Variants in IMMP2L observed in about 807,000 individuals in gnomAD.
The protein encoded by IMMP2L is mitochondrial inner membrane protease subunit 2.
A neutral mutation model predicts 19.3 loss-of-function variants in IMMP2L; 18 were observed. The ratio of observed to expected loss-of-function variants is 0.93; its 90% CI spans 0.64 to 1.38. The LOEUF (loss-of-function observed/expected upper bound fraction) is 1.38, where lower values mean the gene tolerates loss of function less well. IMMP2L is among the 40% of genes most tolerant of loss of function. IMMP2L has a pLI of 0.00. For synonymous variants in IMMP2L, 76 were observed against 73.0 expected (o/e 1.04, Z -0.21); for missense variants, 233 against 218.2 (o/e 1.07, Z -0.43).
chr7:110,764,498 T>C (rs1798541158), intron 5 of IMMP2L, among the ~76,000 whole-genome samples: 1 of 152,096 alleles, frequency 6.6e-6, no homozygotes, highest in African/African-American at 2.4e-5. Context: ...ATTGTCTACA[T>C]CAGTATATCA....
At chr7:111,177,253 C>T (rs1807177810) in intron 3 of IMMP2L, among the ~76,000 whole-genome samples, 1 of 152,032 alleles carries the variant, frequency 6.6e-6, no homozygotes, top group Admixed American at 6.6e-5. Flanking sequence ...TATCGCAGTT[C>T]ACTGCAGGCT....
intron 3 of IMMP2L, among the ~76,000 whole-genome samples, chr7:111,341,871 C>T (rs1275262525): frequency 1.2e-4 from 18 of 152,072 alleles, no homozygotes; most frequent in Non-Finnish European, 2.4e-4. Flanking sequence ...GAGTTTGAGG[C>T]TGTGTGTTTG....
chr7:111,345,068 T>C (rs892062276), intron 3 of IMMP2L, among the ~76,000 whole-genome samples: 4 of 151,996 alleles, frequency 2.6e-5, no homozygotes, highest in African/African-American at 9.7e-5. Context: ...GTAACTCACA[T>C]ACAGTTTTCC....
chr7:111,227,917 C>A (rs114052487), intron 3 of IMMP2L, among the ~76,000 whole-genome samples: 1 of 151,902 alleles, frequency 6.6e-6, no homozygotes, highest in Non-Finnish European at 1.5e-5. Flanking sequence ...TTTCAAAAAC[C>A]ACTTCTACTA....
intron 3 of IMMP2L, among the ~76,000 whole-genome samples, chr7:111,308,804 T>G (rs1823176698): frequency 6.6e-6 from 1 of 152,098 alleles, no homozygotes; most frequent in Non-Finnish European, 1.5e-5. Context: ...CCTCCAGTTT[T>G]GCAAACTGCC....
chr7:111,059,612 T>C (rs1793830098), intron 3 of IMMP2L, among the ~76,000 whole-genome samples: 1 of 152,142 alleles, frequency 6.6e-6, no homozygotes, highest in African/African-American at 2.4e-5. Context: ...CTAAAACATA[T>C]AAGGCACTCA....
chr7:111,378,735 T>C (rs1176527496), intron 3 of IMMP2L, among the ~76,000 whole-genome samples: 2 of 151,924 alleles, frequency 1.3e-5, no homozygotes, highest in South Asian at 2.1e-4. Context: ...AACAAATCCA[T>C]TGTCTGAATC....
chr7:111,283,767 C>A (rs975233469), intron 3 of IMMP2L, among the ~76,000 whole-genome samples: 1 of 151,464 alleles, frequency 6.6e-6, no homozygotes, highest in East Asian at 1.9e-4. Context: ...GTCAGGAGAT[C>A]GAGACCATCC....
At chr7:111,385,688 A>G (rs760154489) in intron 3 of IMMP2L, among the ~76,000 whole-genome samples, 4 of 152,290 alleles carry the variant, frequency 2.6e-5, no homozygotes, top group South Asian at 2.1e-4. Flanking sequence ...CTTGGCTGTC[A>G]TAAGACAGAA....
At chr7:111,370,196 T>C (rs1392033605) in intron 3 of IMMP2L, among the ~76,000 whole-genome samples, 1 of 152,036 alleles carries the variant, frequency 6.6e-6, no homozygotes, top group Non-Finnish European at 1.5e-5. Flanking sequence ...CTAGTTCTGC[T>C]GCTCTTAAAC....
chr7:111,046,397 A>G (rs1048717875), intron 3 of IMMP2L, among the ~76,000 whole-genome samples: 4 of 152,114 alleles, frequency 2.6e-5, no homozygotes, highest in Non-Finnish European at 5.9e-5. Flanking sequence ...GGTGTCACAC[A>G]AAAGAGAGAA....
intron 2 of IMMP2L, among the ~76,000 whole-genome samples, chr7:111,505,601 A>G (rs1844805759): frequency 6.6e-6 from 1 of 152,204 alleles, no homozygotes; most frequent in Non-Finnish European, 1.5e-5. Context: ...CTAGGTTAAG[A>G]AAATGTGGCA....
chr7:111,445,372 T>C (rs1295401934), intron 3 of IMMP2L, among the ~76,000 whole-genome samples: 1 of 151,990 alleles, frequency 6.6e-6, no homozygotes, highest in Non-Finnish European at 1.5e-5. Flanking sequence ...TAGCAATTTA[T>C]TCCCCCTTTC....
chr7:111,072,286 G>C (rs564873464), intron 3 of IMMP2L, among the ~76,000 whole-genome samples: 22 of 152,312 alleles, frequency 1.4e-4, no homozygotes, highest in Admixed American at 1.4e-3. Context: ...TTTCATAAAA[G>C]TTGATGAGGA....
At chr7:111,510,160 A>G (rs1262824035) in intron 2 of IMMP2L, among the ~76,000 whole-genome samples, 1 of 152,154 alleles carries the variant, frequency 6.6e-6, no homozygotes, top group African/African-American at 2.4e-5. Flanking sequence ...CTTCAGAAAA[A>G]GCAGAGGAGA....
intron 3 of IMMP2L, among the ~76,000 whole-genome samples, chr7:111,367,179 T>C (rs573526663): frequency 9.9e-5 from 15 of 151,566 alleles, no homozygotes; most frequent in African/African-American, 3.6e-4. Context: ...ACATGCTACA[T>C]ATATTCCTGT....
At chr7:111,049,870 G>A (rs900071428) in intron 3 of IMMP2L, among the ~76,000 whole-genome samples, 11 of 152,154 alleles carry the variant, frequency 7.2e-5, no homozygotes, top group African/African-American at 2.4e-4. Flanking sequence ...CTGCTGTTCC[G>A]TGAGTCCCAC....
At chr7:110,771,978 A>G (rs1350093761) in intron 5 of IMMP2L, among the ~76,000 whole-genome samples, 1 of 152,174 alleles carries the variant, frequency 6.6e-6, no homozygotes, top group African/African-American at 2.4e-5. Context: ...ACTCTTAGTC[A>G]TGATCTTTTG....
At chr7:111,473,921 G>A (rs1841491525) in intron 3 of IMMP2L, among the ~76,000 whole-genome samples, 1 of 152,044 alleles carries the variant, frequency 6.6e-6, no homozygotes, top group African/African-American at 2.4e-5. Context: ...AATCAACCTA[G>A]GTGCCCATCA....
Sources: allele counts gnomAD v4.1 joint callset (sites outside exome capture counted in the v4.1 genomes callset), GRCh38; gene constraint gnomAD v4.1.1; transcripts MANE v1.5; gene names NCBI Gene and HGNC (gene_info 2026-07-23, HGNC 2026-07-21).